Variants in SCHIP1 observed in about 807,000 individuals in gnomAD.
SCHIP1 encodes the protein schwannomin interacting protein 1, also known as schwannomin-interacting protein 1.
A neutral mutation model predicts 29.7 loss-of-function variants in SCHIP1; 8 were observed. The ratio of observed to expected loss-of-function variants is 0.27; its 90% CI spans 0.16 to 0.49. SCHIP1 has a LOEUF of 0.49. Ranked by LOEUF, SCHIP1 falls within the 20% of genes least tolerant of loss-of-function variation. The probability of loss-of-function intolerance (pLI) is 0.99; values close to 1 mark genes in which losing one functional copy is unlikely to be tolerated. For missense variants in SCHIP1, 193 were observed against 294.6 expected (o/e 0.66, Z 2.52); for synonymous variants, 76 against 94.9 (o/e 0.80, Z 1.16).
At chr3:159,433,389 G>A in the SCHIP1 span, among the ~76,000 whole-genome samples, 2 of 152,130 alleles carry the variant, frequency 1.3e-5, no homozygotes, top group Non-Finnish European at 2.9e-5. Context: ...CTGCAAGAAA[G>A]GGATGACCGC....
chr3:159,602,681 C>T, the SCHIP1 span, among the ~76,000 whole-genome samples: 1 of 151,148 alleles, frequency 6.6e-6, no homozygotes, highest in Non-Finnish European at 1.5e-5. Context: ...TGCACTCTAG[C>T]CTGGGCGACA....
At chr3:159,655,046 G>A in the SCHIP1 span, among the ~76,000 whole-genome samples, 1 of 152,158 alleles carries the variant, frequency 6.6e-6, no homozygotes, top group Non-Finnish European at 1.5e-5. Context: ...GCACAGTACA[G>A]TATAGTCATT....
the SCHIP1 span, among the ~76,000 whole-genome samples, chr3:159,759,045 C>T: frequency 1.3e-5 from 2 of 152,142 alleles, no homozygotes; most frequent in South Asian, 4.2e-4. Context: ...CTTTTAAGTG[C>T]CATTTTGCCT....
At chr3:159,589,468 G>T in the SCHIP1 span, among the ~76,000 whole-genome samples, 1 of 152,138 alleles carries the variant, frequency 6.6e-6, no homozygotes, top group Admixed American at 6.5e-5. Flanking sequence ...TCTCCTGCCT[G>T]ATTGCCCTGG....
chr3:159,622,690 G>A, the SCHIP1 span, among the ~76,000 whole-genome samples: 77 of 152,162 alleles, frequency 5.1e-4, no homozygotes, highest in Admixed American at 1.2e-3. Context: ...AGGCCGAGGC[G>A]GGTGGATCAC....
At chr3:159,305,004 C>T in the SCHIP1 span, among the ~76,000 whole-genome samples, 4 of 152,174 alleles carry the variant, frequency 2.6e-5, no homozygotes, top group Non-Finnish European at 5.9e-5. Context: ...ATCTCTTCTT[C>T]CCATTTTTTT....
At chr3:159,637,359 C>A in the SCHIP1 span, among the ~76,000 whole-genome samples, 2 of 145,160 alleles carry the variant, frequency 1.4e-5, no homozygotes, top group Admixed American at 1.4e-4. Context: ...ACAAAAGAAA[C>A]CCCGGCCCCA....
the SCHIP1 span, among the ~76,000 whole-genome samples, chr3:159,495,674 C>CAT: frequency 5.3e-5 from 8 of 152,154 alleles, no homozygotes; most frequent in Admixed American, 5.2e-4. Flanking sequence ...TGAAAATGGC[C>CAT]ATACTGCCCA....
the SCHIP1 span, among the ~76,000 whole-genome samples, chr3:159,720,908 A>G: frequency 6.6e-6 from 1 of 152,198 alleles, no homozygotes; most frequent in South Asian, 2.1e-4. Flanking sequence ...TTTTCAGCAG[A>G]AAGTAAACAT....
At chr3:159,805,682 C>T in the SCHIP1 span, among the ~76,000 whole-genome samples, 1 of 152,124 alleles carries the variant, frequency 6.6e-6, no homozygotes, top group African/African-American at 2.4e-5. Flanking sequence ...TGAACTCCTG[C>T]ATGCTTAGTA....
the SCHIP1 span, among the ~76,000 whole-genome samples, chr3:159,760,552 T>C: frequency 1.3e-5 from 2 of 152,226 alleles, no homozygotes; most frequent in Admixed American, 6.5e-5. Context: ...GGGATAATAG[T>C]AGTTTCTTCA....
chr3:159,339,295 G>A, the SCHIP1 span, among the ~76,000 whole-genome samples: 1 of 150,920 alleles, frequency 6.6e-6, no homozygotes, highest in African/African-American at 2.4e-5. Context: ...TTACTCAAAT[G>A]GCAGCACTGT....
chr3:159,320,413 C>T, the SCHIP1 span, among the ~76,000 whole-genome samples: 6 of 152,092 alleles, frequency 3.9e-5, no homozygotes, highest in Non-Finnish European at 7.3e-5. Flanking sequence ...CCTCCAGAAC[C>T]GTGAGAAACA....
the SCHIP1 span, among the ~76,000 whole-genome samples, chr3:159,832,311 C>T: frequency 6.6e-6 from 1 of 152,226 alleles, no homozygotes; most frequent in South Asian, 2.1e-4. Context: ...TGAATGAATG[C>T]CTGCCAGACA....
At chr3:159,333,101 A>G in the SCHIP1 span, among the ~76,000 whole-genome samples, 1 of 152,188 alleles carries the variant, frequency 6.6e-6, no homozygotes. Flanking sequence ...TAAGGAAACA[A>G]TTTCCCCAAA....
At chr3:159,295,276 AC>A in the SCHIP1 span, among the ~76,000 whole-genome samples, 2,504 of 134,662 alleles carry the variant, frequency 0.019, 302 homozygotes, top group African/African-American at 0.049. Context: ...AAAAAAAAAA[AC>A]AACTAGCCAG....
At chr3:159,331,966 C>T in the SCHIP1 span, among the ~76,000 whole-genome samples, 112,443 of 152,002 alleles carry the variant, frequency 0.74, 42,277 homozygotes, top group African/African-American at 0.87. Context: ...GTGTAGGCTC[C>T]ACCTGGTCCT....
chr3:159,385,606 C>G, the SCHIP1 span, among the ~76,000 whole-genome samples: 5 of 149,874 alleles, frequency 3.3e-5, no homozygotes, highest in African/African-American at 1.2e-4. Context: ...AAAAAAAAAC[C>G]CAGAAATAAT....
At chr3:159,894,563 C>A (rs1717870300) in intron 6 of SCHIP1, 1 of 152,224 alleles carries the variant, frequency 6.6e-6, no homozygotes, top group Non-Finnish European at 1.5e-5. Flanking sequence ...CCTAGTGGCA[C>A]TGTGTTTTAT....
Sources: gnomAD v4.1 joint callset for allele counts (sites outside exome capture counted in the v4.1 genomes callset) on GRCh38, gnomAD v4.1.1 for gene constraint, MANE v1.5 for transcripts, NCBI Gene and HGNC (gene_info 2026-07-23, HGNC 2026-07-21) for gene names.